Variants in CTNNA3 observed in about 807,000 individuals in gnomAD.
The protein encoded by CTNNA3 is catenin alpha 3, also known as catenin alpha-3.
Under a neutral mutation model 95.7 loss-of-function variants are expected in CTNNA3, and 76 were observed. The ratio of observed to expected loss-of-function variants is 0.79; its 90% CI spans 0.66 to 0.96. The LOEUF is 0.96. CTNNA3 is among the 40% of genes least tolerant of loss of function. CTNNA3 has a pLI of 0.00. For synonymous variants in CTNNA3, 431 were observed against 374.4 expected, an observed-to-expected ratio of 1.15 and a Z score of -1.74; for missense variants, 1,191 against 1,089.8, an observed-to-expected ratio of 1.09 and a Z score of -1.31.
chr10:66,129,212 C>T (rs12773917), intron 13 of CTNNA3, among the ~76,000 whole-genome samples: 11,197 of 152,164 alleles, frequency 0.074, 515 homozygotes, highest in Admixed American at 0.12. Flanking sequence ...TGCAGTGAGC[C>T]GAGATTGTGC....
At chr10:66,762,667 G>GT (rs1186382054) in intron 9 of CTNNA3, among the ~76,000 whole-genome samples, 3 of 151,620 alleles carry the variant, frequency 2.0e-5, no homozygotes, top group Non-Finnish European at 4.4e-5. Flanking sequence ...ATTCCCGTTT[G>GT]TTTTTTTGAA....
intron 13 of CTNNA3, among the ~76,000 whole-genome samples, chr10:66,264,144 T>A (rs968297304): frequency 6.6e-6 from 1 of 152,000 alleles, no homozygotes; most frequent in Non-Finnish European, 1.5e-5. Context: ...ATGGCTGATA[T>A]AATATAACTA....
chr10:67,052,734 C>T (rs1589666476), intron 7 of CTNNA3: 1 of 151,904 alleles, frequency 6.6e-6, no homozygotes, highest in East Asian at 1.9e-4. Flanking sequence ...TCCTGCCAGC[C>T]AACAAGTTTT....
intron 6 of CTNNA3, among the ~76,000 whole-genome samples, chr10:67,205,954 G>A (rs903674172): frequency 1.3e-5 from 2 of 152,130 alleles, no homozygotes; most frequent in Non-Finnish European, 2.9e-5. Flanking sequence ...TTGGGAGAAT[G>A]TCTTTCTCAA....
chr10:66,587,926 C>T (rs1843416084), intron 10 of CTNNA3, among the ~76,000 whole-genome samples: 1 of 152,086 alleles, frequency 6.6e-6, no homozygotes, highest in Non-Finnish European at 1.5e-5. Context: ...TACTACTTGC[C>T]CCTCATTTCT....
chr10:67,419,429 A>C (rs1845665119), intron 5 of CTNNA3, among the ~76,000 whole-genome samples: 1 of 152,132 alleles, frequency 6.6e-6, no homozygotes, highest in Non-Finnish European at 1.5e-5. Flanking sequence ...ATATTGCATG[A>C]TGTTGAGGTT....
chr10:66,995,693 C>G (rs952937355), intron 7 of CTNNA3, among the ~76,000 whole-genome samples: 6 of 152,160 alleles, frequency 3.9e-5, no homozygotes, highest in African/African-American at 1.4e-4. Context: ...CAGACTCAGT[C>G]TCACTAATTT....
intron 5 of CTNNA3, among the ~76,000 whole-genome samples, chr10:67,245,802 C>T (rs1865881771): frequency 1.3e-5 from 2 of 150,268 alleles, no homozygotes; most frequent in Admixed American, 1.3e-4. Flanking sequence ...TTGCAGTGAG[C>T]CGAGATTGCA....
At chr10:66,806,256 G>T (rs1841634722) in intron 7 of CTNNA3, among the ~76,000 whole-genome samples, 1 of 99,238 alleles carries the variant, frequency 1.0e-5, no homozygotes, top group Non-Finnish European at 2.1e-5. Context: ...GCCAGATATT[G>T]GTGTTTGTGT....
At chr10:67,158,496 A>T (rs1296593453) in intron 7 of CTNNA3, among the ~76,000 whole-genome samples, 2 of 152,188 alleles carry the variant, frequency 1.3e-5, no homozygotes, top group African/African-American at 4.8e-5. Context: ...CTAGCAGCTG[A>T]AAGAGAGGTC....
At chr10:67,637,756 GC>G (rs1217597077) in intron 2 of CTNNA3, among the ~76,000 whole-genome samples, 1 of 152,134 alleles carries the variant, frequency 6.6e-6, no homozygotes, top group African/African-American at 2.4e-5. Context: ...TTCATATCCA[GC>G]CAAACTAAAC....
intron 9 of CTNNA3, among the ~76,000 whole-genome samples, chr10:66,758,953 A>G (rs968963873): frequency 1.3e-5 from 2 of 152,046 alleles, no homozygotes; most frequent in African/African-American, 4.8e-5. Context: ...CAAACAAACA[A>G]ACGACAACAA....
chr10:67,314,534 T>C (rs1356223051), intron 5 of CTNNA3, among the ~76,000 whole-genome samples: 1 of 152,202 alleles, frequency 6.6e-6, no homozygotes, highest in South Asian at 2.1e-4. Context: ...AATACAGAGA[T>C]AAATGCAGAA....
chr10:67,656,375 G>C (rs1302618214), intron 1 of CTNNA3, among the ~76,000 whole-genome samples: 1 of 152,028 alleles, frequency 6.6e-6, no homozygotes, highest in Non-Finnish European at 1.5e-5. Context: ...CTAGCTTTTT[G>C]GTAGGCTATA....
In CTNNA3 at chr10:67,559,688, C is replaced by T. The variant is rs568296718; in HGVS notation, c.293-20019G>A. On this transcript the variant is annotated intron_variant, in intron 3 of 17. Coordinates refer to ENST00000433211, the MANE Select transcript of CTNNA3 (RefSeq NM_013266.4). ...AAGGCTTCAGACGATCAAACTACTC[C>T]GAGCTACAGGAGGAAATTCAAATCA... Among the ~76,000 whole-genome samples the T allele has an allele frequency of 2.8e-4, 43 of 152,038 alleles. No homozygotes were observed. The South Asian group carries it at 5.2e-3, about 18-fold the overall frequency.
chr10:67,158,552 C>A (rs1421455200), intron 7 of CTNNA3, among the ~76,000 whole-genome samples: 1 of 152,104 alleles, frequency 6.6e-6, no homozygotes, highest in Non-Finnish European at 1.5e-5. Flanking sequence ...CATAGATAAT[C>A]AAAGGCAAGT....
chr10:67,390,216 G>A (rs1188276350), intron 5 of CTNNA3, among the ~76,000 whole-genome samples: 8 of 152,020 alleles, frequency 5.3e-5, no homozygotes, highest in Non-Finnish European at 8.8e-5. Context: ...AAAATGATAA[G>A]GGGGATATCA....
chr10:67,718,071 A>G (rs1463306846), intron 1 of CTNNA3, among the ~76,000 whole-genome samples: 3 of 152,080 alleles, frequency 2.0e-5, no homozygotes, highest in Admixed American at 6.6e-5. Flanking sequence ...ATTTCATTCA[A>G]TTTGTAGCAA....
chr10:66,760,424 A>T (rs1290609365), intron 9 of CTNNA3, among the ~76,000 whole-genome samples: 5 of 152,078 alleles, frequency 3.3e-5, no homozygotes, highest in Non-Finnish European at 5.9e-5. Context: ...CTGTACCTTT[A>T]TTCATGCTGT....
Sources: allele counts gnomAD v4.1 joint callset (sites outside exome capture counted in the v4.1 genomes callset), GRCh38; gene constraint gnomAD v4.1.1; transcripts MANE v1.5; gene names NCBI Gene and HGNC (gene_info 2026-07-23, HGNC 2026-07-21).